Variants in BCAS3 observed in about 807,000 individuals in gnomAD.
The protein encoded by BCAS3 is BCAS3 microtubule associated cell migration factor.
BCAS3 carries 53 observed loss-of-function variants against 116.1 expected under a neutral mutation model. The observed-to-expected ratio is 0.46, with a 90% confidence interval of 0.37 to 0.57. The LOEUF is 0.57. Ranked by LOEUF, BCAS3 falls within the 20% of genes least tolerant of loss-of-function variation. BCAS3 has a pLI of 0.00. For missense variants in BCAS3, 917 were observed against 1,165.4 expected (o/e 0.79, Z 3.10); for synonymous variants, 391 against 408.2 (o/e 0.96, Z 0.51).
intron 22 of BCAS3, among the ~76,000 whole-genome samples, chr17:61,193,611 G>A (rs1421379952): frequency 6.6e-6 from 1 of 151,730 alleles, no homozygotes; most frequent in East Asian, 2.0e-4. Context: ...TACAAAATTA[G>A]CTGGGTGTCG....
Position 60,988,341 on chromosome 17 carries a change from T to TC in BCAS3, c.1222-1630_1222-1629insC, listed in dbSNP as rs1395299304. 4.6e-5 allele frequency among the ~76,000 whole-genome samples: 6 copies of TC among 131,744 alleles called. No individual in the cohort carries two copies. The East Asian group carries it at 6.6e-4, about 15-fold the overall frequency. 86.4% of individuals were successfully genotyped at this position (131,744 alleles called of 152,430 possible). A position where few individuals can be genotyped will look rare whatever the true frequency, so the allele number is the denominator to read the frequency against. On this transcript the variant is annotated intron_variant, in intron 14 of 23. Coordinates refer to ENST00000407086, the MANE Select transcript of BCAS3 (RefSeq NM_017679.5). ...TCTTTCCTTTTCTTTTCTTTTTCTTTTTTTTTTTTTTTTTTTTTTATGTAT... is the reference window on the plus strand; with the variant it reads ...TCTTTCCTTTTCTTTTCTTTTTCTTTCTTTTTTTTTTTTTTTTTTTATGTAT...
chr17:61,115,992 C>G lies in BCAS3; in HGVS notation c.2425+31428C>G, dbSNP rs1424082667. The stretch of plus-strand genomic sequence containing the variant: ...CATTCTCAGTAAACTATCGCAAGAA[C>G]AAAAAACCAAACACCGCATATTCTC... On this transcript the variant is annotated intron_variant, in intron 22 of 23. Transcript: ENST00000407086. Among the ~76,000 whole-genome samples the G allele has an allele frequency of 2.0e-5, 3 of 148,182 alleles. No homozygotes were observed. The East Asian group carries it at 6.0e-4, about 30-fold the overall frequency.
At chr17:60,939,245 A>G (rs1457336739) in intron 13 of BCAS3, among the ~76,000 whole-genome samples, 1 of 152,118 alleles carries the variant, frequency 6.6e-6, no homozygotes, top group Non-Finnish European at 1.5e-5. Flanking sequence ...AGCCTCGTCA[A>G]CATGGTGAAA....
intron 7 of BCAS3, among the ~76,000 whole-genome samples, chr17:60,841,805 C>CA (rs1433399685): frequency 2.0e-5 from 3 of 151,996 alleles, no homozygotes; most frequent in Non-Finnish European, 4.4e-5. Flanking sequence ...CCACTTCTAG[C>CA]CTTCCTAAGG....
intron 13 of BCAS3, among the ~76,000 whole-genome samples, chr17:60,937,285 CTTTT>C (rs924269619): frequency 6.8e-6 from 1 of 147,168 alleles, no homozygotes; most frequent in South Asian, 2.2e-4. Flanking sequence ...TTTTCTCTCT[CTTTT>C]TTTTTTCTTC....
At chr17:60,924,743 A>G (rs778110577) in intron 13 of BCAS3, among the ~76,000 whole-genome samples, 6 of 152,064 alleles carry the variant, frequency 3.9e-5, no homozygotes, top group Non-Finnish European at 8.8e-5. Flanking sequence ...CATTTAAACA[A>G]TGCTGTTGAG....
At chr17:60,966,171 C>T (rs765710163) in intron 14 of BCAS3, among the ~76,000 whole-genome samples, 4 of 152,056 alleles carry the variant, frequency 2.6e-5, no homozygotes, top group Admixed American at 2.0e-4. Context: ...TTTCCAGATA[C>T]GTGGAGTATC....
chr17:60,804,474 A>C (rs1313889534), intron 6 of BCAS3, among the ~76,000 whole-genome samples: 2 of 152,052 alleles, frequency 1.3e-5, no homozygotes, highest in Admixed American at 1.3e-4. Flanking sequence ...CTCCATCTCA[A>C]AAGAAAAACA....
chr17:61,133,062 A>G (rs1037345129), intron 22 of BCAS3, among the ~76,000 whole-genome samples: 1 of 152,202 alleles, frequency 6.6e-6, no homozygotes, highest in African/African-American at 2.4e-5. Flanking sequence ...AAAAAGGTAT[A>G]ACCATTAGTG....
Position 61,332,852 on chromosome 17 carries a change from G to A in BCAS3, c.2426-35475G>A, listed in dbSNP as rs373911685. Among the ~76,000 whole-genome samples the A allele has an allele frequency of 1.4e-4, 22 of 152,266 alleles. 1 individual carries two copies. The highest frequency in any genetic ancestry group is 4.6e-4 in the African/African-American group (19 of 41,552). On this transcript the variant is annotated intron_variant, in intron 22 of 23. Transcript: ENST00000407086. This position sits in a 1 kb window ranked among gnomAD's most constrained non-coding sequence, Gnocchi z 5.4. Reference sequence around the variant, plus strand: ...GCTGGTCTCAAACTCCTGACCTCAGGTGATCTGCCCGCCTTGGCCTCCCAA... The same window carrying A: ...GCTGGTCTCAAACTCCTGACCTCAGATGATCTGCCCGCCTTGGCCTCCCAA...
chr17:61,246,792 AGTGTGTGTGTGT>A (rs61382195), intron 22 of BCAS3, among the ~76,000 whole-genome samples: 13 of 144,232 alleles, frequency 9.0e-5, no homozygotes, highest in East Asian at 8.4e-4. Flanking sequence ...TTTGAGTGAG[AGTGTGTGTGTGT>A]GTGTGTGTGT....
intron 7 of BCAS3, among the ~76,000 whole-genome samples, chr17:60,852,028 T>TG (rs1206947942): frequency 1.3e-5 from 2 of 152,306 alleles, no homozygotes; most frequent in East Asian, 3.9e-4. Context: ...ATTTCATAGA[T>TG]GGGGGATAGT....
chr17:61,114,801 A>G (rs1456876772), intron 22 of BCAS3, among the ~76,000 whole-genome samples: 1 of 149,454 alleles, frequency 6.7e-6, no homozygotes, highest in African/African-American at 2.4e-5. Context: ...AAGCCAAAAG[A>G]ACAAAGCTGG....
rs2076498003 is a variant in BCAS3 at position 61,134,254 on chromosome 17, A to G, written c.2425+49690A>G. On this transcript the variant is annotated intron_variant, in intron 22 of 23. Coordinates refer to ENST00000407086, the MANE Select transcript of BCAS3 (RefSeq NM_017679.5). The surrounding 1 kb of genome is among the most constrained non-coding windows in gnomAD (Gnocchi z 4.6). ...CGTAATAAGAAGATGAGGATCAATA[A>G]TAGTAGTGAACACTTGTTGATTTTT... Among the ~76,000 whole-genome samples the G allele has an allele frequency of 6.6e-6, 1 of 152,252 alleles. No individual in the cohort carries two copies. The highest frequency in any genetic ancestry group is 2.4e-5 in the African/African-American group (1 of 41,478).
chr17:60,864,188 A>G (rs571857992), intron 7 of BCAS3, among the ~76,000 whole-genome samples: 15 of 152,276 alleles, frequency 9.9e-5, no homozygotes, highest in South Asian at 4.1e-4. Flanking sequence ...CCTCTTTTCT[A>G]TGCTTTCCTG....
chr17:61,179,988 CT>C (rs1447395866), intron 22 of BCAS3, among the ~76,000 whole-genome samples: 6 of 151,294 alleles, frequency 4.0e-5, no homozygotes, highest in African/African-American at 9.7e-5. Context: ...ATGGAGAGTC[CT>C]TTGTATTCTC....
Position 60,914,149 on chromosome 17 carries a change from G to A in BCAS3, c.993+3447G>A, listed in dbSNP as rs144306622. On this transcript the variant is annotated intron_variant, in intron 12 of 23. Transcript: ENST00000407086. ...ATTCATGGGCTCTGCTTTGTTTAAT[G>A]TAGTCAGGTTGTTAATACAGACTTA... 4.6e-5 allele frequency among the ~76,000 whole-genome samples: 7 copies of A among 152,262 alleles called. No individual in the cohort carries two copies. In the East Asian group the frequency reaches 1.3e-3, roughly 29 times the overall value.
At chr17:61,070,194 G>A (rs770087714) in intron 19 of BCAS3, 2 of 1,564,650 alleles carry the variant, frequency 1.3e-6, no homozygotes, top group South Asian at 1.1e-5. Context: ...ACAAGCACCA[G>A]ATTAAACAGG....
intron 19 of BCAS3, among the ~76,000 whole-genome samples, chr17:61,043,581 A>G (rs1444075008): frequency 6.6e-6 from 1 of 151,882 alleles, no homozygotes; most frequent in Non-Finnish European, 1.5e-5. Flanking sequence ...GTGGGTACAC[A>G]GGTTTTCTCC....
Sources: gnomAD v4.1 joint callset for allele counts (sites outside exome capture counted in the v4.1 genomes callset) on GRCh38, gnomAD v4.1.1 for gene constraint, Gnocchi (gnomAD v3.1) non-coding constraint, MANE v1.5 for transcripts, NCBI Gene and HGNC (gene_info 2026-07-23, HGNC 2026-07-21) for gene names.